Variants in LARS2 observed in about 807,000 individuals in gnomAD.
LARS2 encodes the protein leucine--tRNA ligase, mitochondrial.
Under a neutral mutation model 116.6 loss-of-function variants are expected in LARS2, and 81 were observed. The observed-to-expected ratio is 0.69, with a 90% CI of 0.58 to 0.84. LARS2 has a LOEUF of 0.84. LARS2 is among the 40% of genes least tolerant of loss of function. The pLI is 0.00. For synonymous variants in LARS2, 396 were observed against 407.2 expected, an observed-to-expected ratio of 0.97 and a Z score of 0.33; for missense variants, 968 against 1,114.5, an observed-to-expected ratio of 0.87 and a Z score of 1.87.
chr3:45,423,050 A>T (rs768029270), intron 6 of LARS2, among the ~76,000 whole-genome samples: 37 of 152,104 alleles, frequency 2.4e-4, no homozygotes, highest in Non-Finnish European at 4.3e-4. Flanking sequence ...TTGCCTTTGG[A>T]TTCTGTTTTC....
At chr3:45,478,073 AC>A (rs1699643394) in intron 10 of LARS2, among the ~76,000 whole-genome samples, 1 of 152,160 alleles carries the variant, frequency 6.6e-6, no homozygotes, top group South Asian at 2.1e-4. Context: ...GGCAGATGTC[AC>A]CTCTCAGTTT....
intron 14 of LARS2, among the ~76,000 whole-genome samples, chr3:45,498,159 T>G (rs748335740): frequency 1.3e-5 from 2 of 152,164 alleles, no homozygotes; most frequent in African/African-American, 2.4e-5. Context: ...AGGAAAGCCT[T>G]CACACAGATG....
intron 7 of LARS2, among the ~76,000 whole-genome samples, chr3:45,456,027 C>T (rs1455570025): frequency 6.6e-6 from 1 of 152,016 alleles, no homozygotes; most frequent in Non-Finnish European, 1.5e-5. Context: ...TGGGAAGTTA[C>T]TGTCAGGAGT....
intron 15 of LARS2, among the ~76,000 whole-genome samples, chr3:45,511,638 TTAG>T (rs1344001708): frequency 6.6e-6 from 1 of 151,584 alleles, no homozygotes; most frequent in Admixed American, 6.6e-5. Flanking sequence ...ACAGCTGGGG[TTAG>T]TCAGTTTTTC....
intron 14 of LARS2, among the ~76,000 whole-genome samples, chr3:45,498,683 G>C (rs1478754745): frequency 6.6e-6 from 1 of 152,140 alleles, no homozygotes; most frequent in African/African-American, 2.4e-5. Flanking sequence ...AAAGGCAAAG[G>C]TTTGCTTGAT....
chr3:45,463,878 C>T (rs1450848250), intron 8 of LARS2, among the ~76,000 whole-genome samples: 1 of 151,962 alleles, frequency 6.6e-6, no homozygotes, highest in Non-Finnish European at 1.5e-5. Flanking sequence ...GCCCAGCGGT[C>T]CAAGGAGGTA....
chr3:45,525,476 A>G (rs1700518734), intron 20 of LARS2, among the ~76,000 whole-genome samples: 1 of 152,218 alleles, frequency 6.6e-6, no homozygotes. Flanking sequence ...AACTAATCCT[A>G]AAACCTGGGT....
intron 15 of LARS2, among the ~76,000 whole-genome samples, chr3:45,503,211 C>G (rs1458032357): frequency 6.6e-6 from 1 of 152,002 alleles, no homozygotes; most frequent in East Asian, 1.9e-4. Context: ...CGAATACAGT[C>G]CCAAACCCAC....
chr3:45,458,610 C>T, intron 7 of LARS2, 133 bp from the exon 8 acceptor site: 2 of 803,572 alleles, frequency 2.5e-6, no homozygotes, highest in Non-Finnish European at 4.0e-6. Context: ...TCACAGGAAC[C>T]TAGGAGGTGG....
chr3:45,500,327 T>C, intron 14 of LARS2, 115 bp from the exon 15 acceptor site: 1 of 1,050,230 alleles, frequency 9.5e-7, no homozygotes, highest in Middle Eastern at 2.1e-4. Flanking sequence ...AAAAAATCAT[T>C]GTTATTCCCT....
rs1171695467 is a variant in LARS2, at chr3:45,516,284, AC to A, written c.2044+10del. On this transcript the variant is annotated intron_variant, in intron 17 of 21. Coordinates refer to ENST00000645846, the MANE Select transcript of LARS2 (RefSeq NM_015340.4). ...TCTTGTGGGATGTGAAAAGTAAGTC[AC>A]CTTCCTCTTCCTGACTTGCTTCCTT... The A allele has an allele frequency of 9.9e-6, 16 of 1,610,242 alleles. No homozygotes were observed. The South Asian group carries it at 1.7e-4, about 17-fold the overall frequency.
At chr3:45,530,848 A>T (rs889912577) in intron 20 of LARS2, among the ~76,000 whole-genome samples, 5 of 151,988 alleles carry the variant, frequency 3.3e-5, no homozygotes, top group African/African-American at 1.2e-4. Context: ...TAATTATTTT[A>T]CCTCTTCTCA....
chr3:45,415,376 G>A (rs1698396069), intron 4 of LARS2, among the ~76,000 whole-genome samples: 1 of 152,140 alleles, frequency 6.6e-6, no homozygotes, highest in African/African-American at 2.4e-5. Flanking sequence ...TTTACTGTGT[G>A]GCAGGCACTA....
intron 20 of LARS2, among the ~76,000 whole-genome samples, chr3:45,528,573 A>G (rs35131533): frequency 0.27 from 40,872 of 152,090 alleles, 5,811 homozygotes; most frequent in Middle Eastern, 0.4. Context: ...GGTTCCCCAC[A>G]CCATTAGTCA....
intron 15 of LARS2, among the ~76,000 whole-genome samples, chr3:45,509,833 C>T (rs918463256): frequency 6.6e-6 from 1 of 151,902 alleles, no homozygotes; most frequent in African/African-American, 2.4e-5. Context: ...GAGCACTCAT[C>T]GGGGCATTCC....
chr3:45,403,112 C>CAAAAAAAAAAAAAAA (rs1160287597), intron 4 of LARS2, among the ~76,000 whole-genome samples: 1 of 85,408 alleles, frequency 1.2e-5, no homozygotes, highest in African/African-American at 5.2e-5. Context: ...TCTCCAAAGA[C>CAAAAAAAAAAAAAAA]AAAAAAAAAA....
At position 45,541,963 on chromosome 3, in the gene LARS2, A is replaced by G. The variant is rs767018995; in HGVS notation, c.2532+7A>G. 3.7e-6 allele frequency: 6 copies of G among 1,614,078 alleles called. No individual in the cohort carries two copies. The highest frequency in any genetic ancestry group is 2.7e-5 in the African/African-American group (2 of 75,058). On this transcript the variant is annotated splice_region_variant and intron_variant, in intron 21 of 21. Coordinates refer to ENST00000645846, the MANE Select transcript of LARS2 (RefSeq NM_015340.4). ...TGTCCAGATGGCAGTTCTGGTAAGTATCTCCCCTCAACCCCAGAACCCAGC... is the reference window on the plus strand; with the variant it reads ...TGTCCAGATGGCAGTTCTGGTAAGTGTCTCCCCTCAACCCCAGAACCCAGC...
At chr3:45,502,119 TTTAA>T (rs1252250470) in intron 15 of LARS2, among the ~76,000 whole-genome samples, 15 of 152,036 alleles carry the variant, frequency 9.9e-5, no homozygotes, top group Admixed American at 7.2e-4. Flanking sequence ...TTTTTAAATG[TTTAA>T]TTAAGTTATT....
intron 6 of LARS2, among the ~76,000 whole-genome samples, chr3:45,431,366 T>G (rs1163418317): frequency 6.6e-6 from 1 of 152,230 alleles, no homozygotes; most frequent in South Asian, 2.1e-4. Context: ...TTTAAAAAAA[T>G]TATTAACCTA....
Sources: allele counts gnomAD v4.1 joint callset (sites outside exome capture counted in the v4.1 genomes callset), GRCh38; gene constraint gnomAD v4.1.1; transcripts MANE v1.5; gene names NCBI Gene and HGNC (gene_info 2026-07-23, HGNC 2026-07-21).